Variants in COL24A1 observed in about 807,000 individuals in gnomAD.
COL24A1 encodes the protein collagen alpha-1(XXIV) chain.
COL24A1 carries 224 observed loss-of-function variants against 253.9 expected under a neutral mutation model. The ratio of observed to expected loss-of-function variants is 0.88; its 90% CI spans 0.79 to 0.99. The LOEUF is 0.99. Ranked by LOEUF, COL24A1 falls within the 50% of genes least tolerant of loss-of-function variation. COL24A1 has a pLI of 0.00. For synonymous variants in COL24A1, 685 were observed against 673.7 expected (o/e 1.02, Z -0.26); for missense variants, 2,131 against 2,068.5 (o/e 1.03, Z -0.59).
intron 24 of COL24A1, among the ~76,000 whole-genome samples, chr1:85,912,967 T>C (rs113851496): frequency 6.6e-6 from 1 of 152,222 alleles, no homozygotes; most frequent in Non-Finnish European, 1.5e-5. Flanking sequence ...TTTCTTTTTA[T>C]CTTTTTTAAT....
intron 7 of COL24A1, among the ~76,000 whole-genome samples, chr1:86,070,106 G>C (rs1007292137): frequency 3.9e-5 from 6 of 152,146 alleles, no homozygotes; most frequent in African/African-American, 1.4e-4. Flanking sequence ...TCAGAATGCT[G>C]TCAGAAAAAT....
intron 41 of COL24A1, among the ~76,000 whole-genome samples, chr1:85,841,781 G>C (rs946335124): frequency 9.9e-5 from 15 of 151,970 alleles, no homozygotes; most frequent in African/African-American, 3.4e-4. Flanking sequence ...ATTTAATCTA[G>C]AGCCTTACAA....
At chr1:86,020,692 G>A (rs1456279875) in intron 18 of COL24A1, among the ~76,000 whole-genome samples, 1 of 152,030 alleles carries the variant, frequency 6.6e-6, no homozygotes, top group Admixed American at 6.6e-5. Context: ...ATTTGGTCAA[G>A]CGCTAGAAAA....
Position 86,087,287 on chromosome 1 carries a change from A to T in COL24A1, c.1707+1887T>A, listed in dbSNP as rs370391454. On this transcript the variant is annotated intron_variant, in intron 7 of 59. Coordinates refer to ENST00000370571, the MANE Select transcript of COL24A1 (RefSeq NM_152890.7). ...TACTAGAAAAAAATAATTCAAAATAATGTTACATAGACCAAAAAGAATATA... is the reference window on the plus strand; with the variant it reads ...TACTAGAAAAAAATAATTCAAAATATTGTTACATAGACCAAAAAGAATATA... Among the ~76,000 whole-genome samples the T allele has an allele frequency of 1.6e-4, 24 of 152,320 alleles. No homozygotes were observed. The East Asian group carries it at 3.3e-3, about 21-fold the overall frequency.
At position 86,124,952 on chromosome 1, in the gene COL24A1, C is replaced by T. The variant is rs187114451; in HGVS notation, c.1384G>A (p.Glu462Lys). ...TAAAGCTCAGTTTCATAGCTATTTTCGATGGGATAAGTAGCATCAGGATAA... is the reference window on the plus strand; with the variant it reads ...TAAAGCTCAGTTTCATAGCTATTTTTGATGGGATAAGTAGCATCAGGATAA... ...EFYPDATYPI[E>K]NSYETELYDY... The change falls in exon 3 of 60, where the codon GAA (glutamate) becomes AAA (lysine). Residue 462 changes from glutamate (E) to lysine (K), a missense_variant. By Grantham distance (56) the Glu-to-Lys change is moderately conservative. Transcript: ENST00000370571. 8.7e-5 allele frequency: 141 copies of T among 1,612,676 alleles called. No individual in the cohort carries two copies. The African/African-American group carries it at 1.4e-3, about 16-fold the overall frequency.
At chr1:85,822,509 T>C (rs1673749967) in intron 45 of COL24A1, among the ~76,000 whole-genome samples, 1 of 152,204 alleles carries the variant, frequency 6.6e-6, no homozygotes. Flanking sequence ...GCAATGTCTA[T>C]CTGGCCACAT....
chr1:85,780,789 C>T lies in COL24A1; in HGVS notation c.4338+431G>A, dbSNP rs556905558. On this transcript the variant is annotated intron_variant, in intron 52 of 59. Transcript: ENST00000370571. ...CTGCAATTTATTCTCTCAAAGATTACTGTTGACTACTCCTTTCTTGAAACA... is the reference window on the plus strand; with the variant it reads ...CTGCAATTTATTCTCTCAAAGATTATTGTTGACTACTCCTTTCTTGAAACA... Among the ~76,000 whole-genome samples, 4 of 152,322 alleles carry T rather than the reference C, an allele frequency of 2.6e-5. No individual in the cohort carries two copies. The South Asian group carries it at 6.2e-4, about 24-fold the overall frequency.
At chr1:85,754,509 C>T (rs530474639) in intron 55 of COL24A1, among the ~76,000 whole-genome samples, 11 of 83,004 alleles carry the variant, frequency 1.3e-4, no homozygotes, top group African/African-American at 5.4e-4. Flanking sequence ...GCACAATGTG[C>T]ACATGTACCC....
At position 86,089,171 on chromosome 1, in the gene COL24A1, T is replaced by TA. The variant is rs1703301052; in HGVS notation, c.1707+2dup. The TA allele has an allele frequency of 6.4e-7, 1 of 1,571,214 alleles. No homozygotes were observed. The highest frequency in any genetic ancestry group is 1.7e-4 in the Middle Eastern group (1 of 5,800). ...AAAGAAAAGAAGTAAAATTCCAACT[T>TA]ACCTTATCACCTTGCATACCAGGGG... On this transcript the variant is annotated splice_region_variant and intron_variant, in intron 7 of 59. Transcript: ENST00000370571.
chr1:85,987,648 G>C lies in COL24A1; in HGVS notation c.2317C>G (p.Pro773Ala). Reference sequence around the variant, plus strand: ...TGTCCAGGAATCCCAATATCTCCTGGAAAACCCTAGGGAATATAAAAATGT... The same window carrying C: ...TGTCCAGGAATCCCAATATCTCCTGCAAAACCCTAGGGAATATAAAAATGT... ...PSGPPGPEGF[P>A]GDIGIPGQNG... Residue 773 changes from proline to alanine, a missense_variant, in exon 20 of 60, where the codon CCA (proline) becomes GCA (alanine). Coordinates refer to ENST00000370571, the MANE Select transcript of COL24A1 (RefSeq NM_152890.7). 6.2e-7 allele frequency: 1 copy of C among 1,609,384 alleles called. No homozygotes were observed. Among genetic ancestry groups the C allele is most frequent in the Non-Finnish European group, 8.5e-7 (1 of 1,177,382 alleles).
chr1:86,061,538 A>G (rs953524418), intron 8 of COL24A1, among the ~76,000 whole-genome samples: 2 of 152,102 alleles, frequency 1.3e-5, no homozygotes, highest in African/African-American at 4.8e-5. Flanking sequence ...AGCAACATGT[A>G]GAGATCTAGC....
intron 5 of COL24A1, among the ~76,000 whole-genome samples, chr1:86,104,367 C>A (rs1704742939): frequency 6.6e-6 from 1 of 152,096 alleles, no homozygotes; most frequent in African/African-American, 2.4e-5. Context: ...ATTCTGAATT[C>A]TATTTCTGTC....
Position 85,868,850 on chromosome 1 carries a change from A to G in COL24A1, c.3139-15T>C. On this transcript the variant is annotated splice_polypyrimidine_tract_variant and intron_variant, in intron 35 of 59. Transcript: ENST00000370571. ...CCTGGTTCACCCTATTTTGTAGCAGAAAGAGTATGATTGAGTTTTTTTTTG... is the reference window on the plus strand; with the variant it reads ...CCTGGTTCACCCTATTTTGTAGCAGGAAGAGTATGATTGAGTTTTTTTTTG... The G allele has an allele frequency of 1.9e-6, 3 of 1,571,064 alleles. No individual in the cohort carries two copies. Among genetic ancestry groups the G allele is most frequent in the Non-Finnish European group, 2.6e-6 (3 of 1,159,600 alleles).
intron 5 of COL24A1, among the ~76,000 whole-genome samples, chr1:86,110,587 C>T (rs1478159611): frequency 1.3e-5 from 2 of 151,888 alleles, no homozygotes; most frequent in Non-Finnish European, 2.9e-5. Context: ...ACTGGGGCTG[C>T]GTGCGGCGCT....
intron 24 of COL24A1, among the ~76,000 whole-genome samples, chr1:85,933,478 C>T (rs2103110639): frequency 6.6e-6 from 1 of 152,238 alleles, no homozygotes; most frequent in East Asian, 1.9e-4. Flanking sequence ...AAGACTATTT[C>T]CTAGCCAGCT....
chr1:86,108,620 T>TAAAAAA (rs55852463), intron 5 of COL24A1, among the ~76,000 whole-genome samples: 2 of 83,102 alleles, frequency 2.4e-5, no homozygotes, highest in African/African-American at 1.0e-4. Flanking sequence ...CCATCTCTAC[T>TAAAAAA]AAAAAAAAAA....
intron 24 of COL24A1, among the ~76,000 whole-genome samples, chr1:85,923,295 G>C (rs1686757258): frequency 6.6e-6 from 1 of 152,166 alleles, no homozygotes. Flanking sequence ...TCCAGGACTT[G>C]AACTCAGCTC....
chr1:86,109,322 G>T (rs532109059), intron 5 of COL24A1, among the ~76,000 whole-genome samples: 1 of 7,594 alleles, frequency 1.3e-4, no homozygotes, highest in East Asian at 3.8e-3. Flanking sequence ...ACACAGGTGA[G>T]AAATTTTGGA....
chr1:85,773,897 C>A (rs998012759), intron 53 of COL24A1, among the ~76,000 whole-genome samples: 3 of 152,202 alleles, frequency 2.0e-5, no homozygotes, highest in African/African-American at 7.2e-5. Flanking sequence ...GCCAGAACTT[C>A]CAACACCATG....
Sources: gnomAD v4.1 joint callset for allele counts (sites outside exome capture counted in the v4.1 genomes callset) on GRCh38, gnomAD v4.1.1 for gene constraint, MANE v1.5 for transcripts, NCBI Gene and HGNC (gene_info 2026-07-23, HGNC 2026-07-21) for gene names.